PCDH9: variants seen among roughly 807,000 people sequenced by gnomAD.
PCDH9 encodes the protein protocadherin-9.
PCDH9 carries 24 observed loss-of-function variants against 70.6 expected under a neutral mutation model. The observed-to-expected ratio is 0.34, with a 90% CI of 0.25 to 0.48. The LOEUF (loss-of-function observed/expected upper bound fraction) is 0.48. PCDH9 is among the 20% of genes least tolerant of loss of function. The pLI is 0.99. For synonymous variants in PCDH9, 562 were observed against 558.5 expected, an observed-to-expected ratio of 1.01 and a Z score of -0.09; for missense variants, 1,281 against 1,503.6, an observed-to-expected ratio of 0.85 and a Z score of 2.45.
chr13:66,664,387 G>A (rs1186127563), intron 3 of PCDH9, among the ~76,000 whole-genome samples: 2 of 151,628 alleles, frequency 1.3e-5, no homozygotes, highest in Non-Finnish European at 2.9e-5. Flanking sequence ...GTTGAACATG[G>A]ACACTTTTGT....
intron 2 of PCDH9, among the ~76,000 whole-genome samples, chr13:67,131,761 C>T (rs2087117199): frequency 1.3e-5 from 2 of 152,190 alleles, no homozygotes; most frequent in African/African-American, 2.4e-5. Context: ...TCCACTTTAA[C>T]ACTTTCCTTC....
intron 4 of PCDH9, among the ~76,000 whole-genome samples, chr13:66,552,158 A>C (rs570669263): frequency 4.7e-4 from 71 of 152,216 alleles, no homozygotes; most frequent in Admixed American, 9.2e-4. Context: ...CTCTACTCTT[A>C]CATAGTCTAT....
In PCDH9 at chr13:66,605,718, T is replaced by C. The variant is rs886947296; in HGVS notation, c.3340+25492A>G. ...TTTGCCAGATGAATCAACATGTTTT[T>C]CATACATTATCTTAATAGACTTGAT... On this transcript the variant is annotated intron_variant, in intron 4 of 4. Coordinates refer to ENST00000377865, the MANE Select transcript of PCDH9 (RefSeq NM_203487.3). 5.3e-5 allele frequency among the ~76,000 whole-genome samples: 8 copies of C among 152,284 alleles called. No individual in the cohort carries two copies. In the South Asian group the frequency reaches 1.7e-3, roughly 32 times the overall value.
chr13:67,213,473 C>T (rs1354172173), intron 2 of PCDH9: 1 of 151,964 alleles, frequency 6.6e-6, no homozygotes, highest in Non-Finnish European at 1.5e-5. Flanking sequence ...AGGTCCATGT[C>T]TGCCTATGTG....
chr13:66,337,371 GAA>G (rs1956053882), intron 4 of PCDH9, among the ~76,000 whole-genome samples: 1 of 151,970 alleles, frequency 6.6e-6, no homozygotes. Flanking sequence ...ACTCTTCTTT[GAA>G]AAACTAGGTA....
intron 4 of PCDH9, among the ~76,000 whole-genome samples, chr13:66,357,186 T>C (rs529492304): frequency 5.9e-5 from 9 of 152,024 alleles, no homozygotes; most frequent in East Asian, 3.9e-4. Context: ...CTAACCATCA[T>C]AAAGAAAGAT....
chr13:66,700,923 A>AAT (rs58852431), intron 3 of PCDH9, among the ~76,000 whole-genome samples: 2,110 of 58,090 alleles, frequency 0.036, 88 homozygotes, highest in Non-Finnish European at 0.044. Flanking sequence ...TGTACATATA[A>AAT]ATATATATAT....
At chr13:66,660,102 C>T (rs980272098) in intron 3 of PCDH9, among the ~76,000 whole-genome samples, 2 of 152,132 alleles carry the variant, frequency 1.3e-5, no homozygotes, top group Admixed American at 1.3e-4. Context: ...ACCACATGGT[C>T]AAGTGAATCA....
chr13:66,848,489 G>T (rs1594143927), intron 3 of PCDH9, among the ~76,000 whole-genome samples: 1 of 152,098 alleles, frequency 6.6e-6, no homozygotes, highest in African/African-American at 2.4e-5. Flanking sequence ...AATTTAATTG[G>T]TTTAATGTGG....
intron 4 of PCDH9, among the ~76,000 whole-genome samples, chr13:66,469,308 A>G (rs1958572738): frequency 6.6e-6 from 1 of 152,160 alleles, no homozygotes; most frequent in Admixed American, 6.6e-5. Flanking sequence ...ACATTATGCC[A>G]TCTTGTCAGA....
intron 2 of PCDH9, among the ~76,000 whole-genome samples, chr13:67,119,637 T>C (rs776551980): frequency 2.4e-4 from 36 of 152,314 alleles, no homozygotes; most frequent in Non-Finnish European, 3.8e-4. Flanking sequence ...ATTTGTTTTA[T>C]GCTTTATTTT....
chr13:66,734,533 CTG>C (rs1335358625), intron 3 of PCDH9, among the ~76,000 whole-genome samples: 2 of 152,154 alleles, frequency 1.3e-5, no homozygotes, highest in Non-Finnish European at 2.9e-5. Flanking sequence ...TTCTTAACGA[CTG>C]TGTCCTCAGA....
At chr13:66,855,682 AAG>A (rs980216313) in intron 3 of PCDH9, among the ~76,000 whole-genome samples, 25 of 152,164 alleles carry the variant, frequency 1.6e-4, no homozygotes, top group Admixed American at 1.2e-3. Context: ...ACTGACAAAA[AAG>A]GCTCAGAGAG....
At chr13:67,098,960 A>T (rs1466207220) in intron 2 of PCDH9, among the ~76,000 whole-genome samples, 1 of 152,160 alleles carries the variant, frequency 6.6e-6, no homozygotes, top group East Asian at 1.9e-4. Flanking sequence ...AAGTATTTGC[A>T]ATAAAGAAAT....
chr13:66,395,954 A>C (rs947110109), intron 4 of PCDH9, among the ~76,000 whole-genome samples: 1 of 152,182 alleles, frequency 6.6e-6, no homozygotes, highest in Non-Finnish European at 1.5e-5. Context: ...TGAAGTATGG[A>C]TTGTGGAAGG....
At chr13:66,701,437 A>G (rs1445207976) in intron 3 of PCDH9, among the ~76,000 whole-genome samples, 1 of 152,142 alleles carries the variant, frequency 6.6e-6, no homozygotes, top group East Asian at 1.9e-4. Flanking sequence ...ATGCATATGT[A>G]CATTCATATA....
intron 2 of PCDH9, among the ~76,000 whole-genome samples, chr13:67,026,956 G>A (rs2084794743): frequency 6.6e-6 from 1 of 152,168 alleles, no homozygotes; most frequent in Admixed American, 6.5e-5. Context: ...TCATGGGTAG[G>A]AAGAATCAAT....
At chr13:67,079,229 G>A (rs1451326508) in intron 2 of PCDH9, among the ~76,000 whole-genome samples, 1 of 151,852 alleles carries the variant, frequency 6.6e-6, no homozygotes, top group East Asian at 1.9e-4. Context: ...AAAAAGCATG[G>A]CATTCAGGAT....
chr13:66,531,924 G>A (rs922811636), intron 4 of PCDH9, among the ~76,000 whole-genome samples: 6 of 151,980 alleles, frequency 3.9e-5, no homozygotes, highest in Admixed American at 6.6e-5. Context: ...TATAAAATGA[G>A]GAGAATATCT....
Sources: gnomAD v4.1 joint callset for allele counts (sites outside exome capture counted in the v4.1 genomes callset) on GRCh38, gnomAD v4.1.1 for gene constraint, MANE v1.5 for transcripts, NCBI Gene and HGNC (gene_info 2026-07-23, HGNC 2026-07-21) for gene names.